Variants in CDKAL1 observed in about 807,000 individuals in gnomAD.
CDKAL1 encodes CDKAL1 threonylcarbamoyladenosine tRNA methylthiotransferase, also known as threonylcarbamoyladenosine tRNA methylthiotransferase.
A neutral mutation model predicts 68.2 loss-of-function variants in CDKAL1; 32 were observed. That is an observed-to-expected ratio of 0.47 (90% CI 0.35 to 0.63). CDKAL1 has a LOEUF of 0.63. CDKAL1 is among the 30% of genes least tolerant of loss of function. CDKAL1 has a pLI of 0.00. For missense variants in CDKAL1, 606 were observed against 696.7 expected (o/e 0.87, Z 1.47); for synonymous variants, 234 against 244.3 (o/e 0.96, Z 0.39).
intron 9 of CDKAL1, among the ~76,000 whole-genome samples, chr6:20,913,108 C>T (rs1208828485): frequency 7.4e-6 from 1 of 135,710 alleles, no homozygotes; most frequent in Non-Finnish European, 1.5e-5. Context: ...CATTGAACCA[C>T]AGTTGTTTAC....
At chr6:20,719,806 T>C (rs1054376066) in intron 5 of CDKAL1, among the ~76,000 whole-genome samples, 2 of 152,186 alleles carry the variant, frequency 1.3e-5, no homozygotes, top group African/African-American at 4.8e-5. Flanking sequence ...GATCTCTCTC[T>C]ACCTCAACAA....
At chr6:21,143,053 A>G (rs1776000381) in intron 13 of CDKAL1, among the ~76,000 whole-genome samples, 1 of 152,226 alleles carries the variant, frequency 6.6e-6, no homozygotes, top group Admixed American at 6.5e-5. Context: ...TGCATGATCT[A>G]TGCAGCATGT....
intron 4 of CDKAL1, among the ~76,000 whole-genome samples, chr6:20,578,653 A>G (rs1765011681): frequency 6.6e-6 from 1 of 152,194 alleles, no homozygotes; most frequent in Non-Finnish European, 1.5e-5. Context: ...GCCAGTCCCT[A>G]CGCTCAGTGC....
intron 4 of CDKAL1, among the ~76,000 whole-genome samples, chr6:20,550,128 G>A (rs973153627): frequency 6.6e-6 from 1 of 152,118 alleles, no homozygotes; most frequent in Admixed American, 6.5e-5. Flanking sequence ...ACAGGCATGC[G>A]CCACCACACC....
intron 9 of CDKAL1, among the ~76,000 whole-genome samples, chr6:20,876,881 C>G (rs1760547036): frequency 6.6e-6 from 1 of 152,202 alleles, no homozygotes; most frequent in African/African-American, 2.4e-5. Flanking sequence ...TACCTATCTC[C>G]TCTCTTACTT....
chr6:21,070,578 T>A (rs899430423), intron 12 of CDKAL1, among the ~76,000 whole-genome samples: 1 of 152,022 alleles, frequency 6.6e-6, no homozygotes, highest in Non-Finnish European at 1.5e-5. Flanking sequence ...ATTCTTGGTG[T>A]TTTTTCGCCC....
intron 5 of CDKAL1, among the ~76,000 whole-genome samples, chr6:20,724,197 C>G (rs1055311090): frequency 6.6e-6 from 1 of 152,098 alleles, no homozygotes. Context: ...CTTGGCCTCC[C>G]AAAGTGCTGG....
intron 11 of CDKAL1, among the ~76,000 whole-genome samples, chr6:21,059,626 C>T (rs1193752711): frequency 6.6e-6 from 1 of 152,104 alleles, no homozygotes; most frequent in African/African-American, 2.4e-5. Flanking sequence ...TTGCGCCAAC[C>T]ACCTAGTCAT....
intron 10 of CDKAL1, among the ~76,000 whole-genome samples, chr6:20,980,236 TATAG>T: frequency 6.6e-6 from 1 of 151,792 alleles, no homozygotes; most frequent in Non-Finnish European, 1.5e-5. Context: ...GATATAGATA[TATAG>T]ATATAGATTT....
chr6:20,605,892 T>C (rs559185577), intron 4 of CDKAL1, among the ~76,000 whole-genome samples: 22 of 152,216 alleles, frequency 1.4e-4, no homozygotes, highest in Non-Finnish European at 3.1e-4. Context: ...AATGCTCAGC[T>C]GAGTACTGTA....
chr6:20,934,845 G>T (rs1763626137), intron 9 of CDKAL1, among the ~76,000 whole-genome samples: 1 of 151,504 alleles, frequency 6.6e-6, no homozygotes, highest in African/African-American at 2.4e-5. Context: ...GAGAGACCTT[G>T]TCGCAAAGAA....
intron 4 of CDKAL1, among the ~76,000 whole-genome samples, chr6:20,554,203 C>T (rs1763947474): frequency 6.6e-6 from 1 of 152,164 alleles, no homozygotes; most frequent in Non-Finnish European, 1.5e-5. Context: ...GATGTTAGCC[C>T]CTAAAACTCA....
chr6:21,027,214 C>G (rs1769013496), intron 11 of CDKAL1, among the ~76,000 whole-genome samples: 2 of 152,118 alleles, frequency 1.3e-5, no homozygotes, highest in South Asian at 4.1e-4. Context: ...AGTCTATTTT[C>G]CTTTTCAGTA....
intron 9 of CDKAL1, among the ~76,000 whole-genome samples, chr6:20,901,036 T>C (rs7758467): frequency 0.084 from 12,742 of 152,258 alleles, 727 homozygotes; most frequent in Non-Finnish European, 0.12. Flanking sequence ...TGTATTATTA[T>C]ATGAACATTG....
intron 4 of CDKAL1, among the ~76,000 whole-genome samples, chr6:20,640,499 C>G (rs559039192): frequency 5.9e-5 from 9 of 152,284 alleles, no homozygotes; most frequent in African/African-American, 2.2e-4. Flanking sequence ...ATCCTGCATT[C>G]ATTATTAATC....
At chr6:20,953,068 G>A (rs1581903468) in intron 9 of CDKAL1, among the ~76,000 whole-genome samples, 1 of 152,256 alleles carries the variant, frequency 6.6e-6, no homozygotes, top group East Asian at 1.9e-4. Context: ...ATGCTCTTTC[G>A]TTCCATTGTG....
At chr6:21,070,113 G>T (rs915161912) in intron 12 of CDKAL1, among the ~76,000 whole-genome samples, 6 of 146,920 alleles carry the variant, frequency 4.1e-5, no homozygotes, top group Non-Finnish European at 9.1e-5. Flanking sequence ...TCACCCCCAG[G>T]TTACACACCC....
chr6:20,777,476 G>A lies in CDKAL1; in HGVS notation c.518-3669G>A, dbSNP rs550399496. 1.5e-3 allele frequency among the ~76,000 whole-genome samples: 222 copies of A among 152,164 alleles called. 1 individual carries two copies. Among genetic ancestry groups the A allele is most frequent in the Middle Eastern group, 3.4e-3 (1 of 294 alleles). ...AAAAAAATTTAAAAAGTAACTGGAC[G>A]TGGTGGCGCACACCTATAGTCTCAG... On this transcript the variant is annotated intron_variant, in intron 7 of 15. Transcript: ENST00000274695.
chr6:20,657,000 G>T (rs1029812889), intron 5 of CDKAL1, among the ~76,000 whole-genome samples: 1 of 151,996 alleles, frequency 6.6e-6, no homozygotes, highest in Non-Finnish European at 1.5e-5. Flanking sequence ...TCCTGTAAAA[G>T]GTACAATAAC....
Sources: gnomAD v4.1 joint callset for allele counts (sites outside exome capture counted in the v4.1 genomes callset) on GRCh38, gnomAD v4.1.1 for gene constraint, MANE v1.5 for transcripts, NCBI Gene and HGNC (gene_info 2026-07-23, HGNC 2026-07-21) for gene names.